ME1: variants seen among roughly 807,000 people sequenced by gnomAD.
The protein encoded by ME1 is malic enzyme 1.
A neutral mutation model predicts 66.4 loss-of-function variants in ME1; 74 were observed. The observed-to-expected ratio is 1.11, with a 90% CI of 0.92 to 1.35. The LOEUF is 1.35. Among genes scored for constraint, ME1 ranks in the 40% most tolerant of loss-of-function variants. The pLI, the probability that ME1 is intolerant of heterozygous loss-of-function variation, is 0.00. For synonymous variants in ME1, 251 were observed against 235.6 expected (o/e 1.07, Z -0.60); for missense variants, 750 against 694.1 (o/e 1.08, Z -0.90).
At chr6:83,226,324 G>C (rs1443851140) in intron 11 of ME1, among the ~76,000 whole-genome samples, 1 of 152,056 alleles carries the variant, frequency 6.6e-6, no homozygotes, top group Non-Finnish European at 1.5e-5. Flanking sequence ...TAACCCTTGA[G>C]GCCTGTTGAG....
At position 83,228,493 on chromosome 6, in the gene ME1, C is replaced by T. The variant is rs558205969; in HGVS notation, c.1132+333G>A. ...CCTAGTTAAGACAACTCAAAGCTTC[C>T]AGACATTGCCAAATGTTTCCTGCAG... On this transcript the variant is annotated intron_variant, in intron 10 of 13. Transcript: ENST00000369705. 2.2e-4 allele frequency among the ~76,000 whole-genome samples: 34 copies of T among 152,236 alleles called. No homozygotes were observed. The East Asian group carries it at 6.4e-3, about 29-fold the overall frequency.
chr6:83,285,776 A>G (rs555643707), intron 6 of ME1, among the ~76,000 whole-genome samples: 159 of 152,308 alleles, frequency 1.0e-3, no homozygotes, highest in South Asian at 1.9e-3. Context: ...ATTCACACAC[A>G]TTTCCTATTT....
At chr6:83,261,265 A>C (rs1311228433) in intron 6 of ME1, among the ~76,000 whole-genome samples, 4 of 152,048 alleles carry the variant, frequency 2.6e-5, no homozygotes, top group African/African-American at 7.2e-5. Flanking sequence ...TTCTTTTGAA[A>C]AGTGTCTCTT....
chr6:83,352,189 T>G, intron 3 of ME1, 50 bp from the exon 4 acceptor site: 3 of 1,186,434 alleles, frequency 2.5e-6, no homozygotes, highest in South Asian at 1.8e-5. Context: ...ACTTCAGGCC[T>G]GTCAAACTAC....
At chr6:83,244,023 T>C (rs1790568989) in intron 7 of ME1, among the ~76,000 whole-genome samples, 1 of 150,798 alleles carries the variant, frequency 6.6e-6, no homozygotes, top group Non-Finnish European at 1.5e-5. Context: ...CATTGGAGTA[T>C]AAGACACCAG....
intron 3 of ME1, among the ~76,000 whole-genome samples, chr6:83,366,778 C>T (rs141481394): frequency 6.2e-4 from 95 of 152,220 alleles, no homozygotes; most frequent in African/African-American, 2.2e-3. Flanking sequence ...AGACTTCCAC[C>T]GAAGTCTTGG....
chr6:83,324,865 A>G (rs944144202), intron 5 of ME1, among the ~76,000 whole-genome samples: 1 of 152,176 alleles, frequency 6.6e-6, no homozygotes, highest in Non-Finnish European at 1.5e-5. Context: ...AACTCATTTT[A>G]TCACATCAGC....
At chr6:83,291,099 G>T (rs552727942) in intron 6 of ME1, among the ~76,000 whole-genome samples, 1 of 152,158 alleles carries the variant, frequency 6.6e-6, no homozygotes, top group South Asian at 2.1e-4. Context: ...TCTTTTAATT[G>T]GGGCATTTAG....
At chr6:83,286,766 A>C (rs141176191) in intron 6 of ME1, among the ~76,000 whole-genome samples, 237 of 152,290 alleles carry the variant, frequency 1.6e-3, no homozygotes, top group Middle Eastern at 6.8e-3. Context: ...GTTACAAAGC[A>C]TAAAATATTC....
chr6:83,345,033 TG>T (rs1345390260), intron 5 of ME1, among the ~76,000 whole-genome samples: 3 of 152,180 alleles, frequency 2.0e-5, no homozygotes, highest in Non-Finnish European at 4.4e-5. Context: ...GGTCTCACTC[TG>T]TAGCCCAGGT....
At chr6:83,263,044 C>T (rs1177186732) in intron 6 of ME1, among the ~76,000 whole-genome samples, 1 of 152,196 alleles carries the variant, frequency 6.6e-6, no homozygotes, top group East Asian at 1.9e-4. Context: ...AATGTGCTCA[C>T]TTTGTGTCTC....
chr6:83,218,691 G>A (rs1349704740), intron 12 of ME1, among the ~76,000 whole-genome samples: 1 of 152,146 alleles, frequency 6.6e-6, no homozygotes, highest in Non-Finnish European at 1.5e-5. Context: ...GTTAATAATC[G>A]AGTTAATAAA....
At chr6:83,227,278 C>T in intron 11 of ME1, 57 bp downstream of exon 11, 1 of 1,251,328 alleles carries the variant, frequency 8.0e-7, no homozygotes, top group South Asian at 2.3e-5. Flanking sequence ...TATCCTAGGC[C>T]TCCCTATAAT....
At chr6:83,305,027 G>A (rs1176188479) in intron 6 of ME1, among the ~76,000 whole-genome samples, 1 of 152,060 alleles carries the variant, frequency 6.6e-6, no homozygotes, top group African/African-American at 2.4e-5. Flanking sequence ...ATGTGCTGAT[G>A]GCTCTCCTTT....
chr6:83,344,454 G>A (rs994375914), intron 5 of ME1, among the ~76,000 whole-genome samples: 1 of 152,136 alleles, frequency 6.6e-6, no homozygotes, highest in East Asian at 1.9e-4. Context: ...GTGGTGGCAT[G>A]TAACTGTAGT....
chr6:83,280,791 G>A (rs7746973), intron 6 of ME1, among the ~76,000 whole-genome samples: 10,797 of 152,202 alleles, frequency 0.071, 472 homozygotes, highest in Admixed American at 0.098. Flanking sequence ...GGTATTAGTT[G>A]ATATAACTGT....
chr6:83,331,172 T>C (rs531680697), intron 5 of ME1, among the ~76,000 whole-genome samples: 24 of 152,174 alleles, frequency 1.6e-4, no homozygotes, highest in Admixed American at 1.1e-3. Context: ...CAAATTCATA[T>C]GTTGAATCCC....
intron 6 of ME1, among the ~76,000 whole-genome samples, chr6:83,298,076 C>T (rs1767635843): frequency 6.6e-6 from 1 of 152,046 alleles, no homozygotes; most frequent in Non-Finnish European, 1.5e-5. Flanking sequence ...GGGTATAAAC[C>T]CAGTAATGGG....
At chr6:83,342,303 T>C (rs1056077615) in intron 5 of ME1, among the ~76,000 whole-genome samples, 2 of 152,200 alleles carry the variant, frequency 1.3e-5, no homozygotes, top group South Asian at 4.1e-4. Flanking sequence ...TCTTGCTTTA[T>C]TCTTTCCTTG....
Sources: gnomAD v4.1 joint callset for allele counts (sites outside exome capture counted in the v4.1 genomes callset) on GRCh38, gnomAD v4.1.1 for gene constraint, MANE v1.5 for transcripts, NCBI Gene and HGNC (gene_info 2026-07-23, HGNC 2026-07-21) for gene names.